The following CALN1 variants were observed in gnomAD, a reference collection of about 807,000 sequenced individuals.
CALN1 encodes calcium-binding protein 8.
A neutral mutation model predicts 30.6 loss-of-function variants in CALN1; 17 were observed. The observed-to-expected ratio is 0.56, with a 90% CI of 0.38 to 0.83. The LOEUF is 0.83. CALN1 is among the 40% of genes least tolerant of loss of function. The probability of loss-of-function intolerance (pLI) is 0.00; values close to 1 mark genes in which losing one functional copy is unlikely to be tolerated. For missense variants in CALN1, 291 were observed against 354.9 expected, an observed-to-expected ratio of 0.82 and a Z score of 1.45; for synonymous variants, 156 against 131.4, an observed-to-expected ratio of 1.19 and a Z score of -1.28.
At chr7:71,987,196 A>T (rs1353729280) in intron 5 of CALN1, among the ~76,000 whole-genome samples, 2 of 152,164 alleles carry the variant, frequency 1.3e-5, no homozygotes, top group Non-Finnish European at 2.9e-5. Context: ...GGACAAAGTG[A>T]CATTTCTCTG....
chr7:72,365,935 G>C (rs1803853342), intron 2 of CALN1, among the ~76,000 whole-genome samples: 3 of 152,110 alleles, frequency 2.0e-5, no homozygotes, highest in Admixed American at 6.5e-5. Flanking sequence ...AAGTATCAAA[G>C]TTTTAAATGC....
At chr7:71,945,674 G>C (rs1796368614) in intron 5 of CALN1, among the ~76,000 whole-genome samples, 1 of 152,192 alleles carries the variant, frequency 6.6e-6, no homozygotes, top group Admixed American at 6.5e-5. Flanking sequence ...AATGCCTGAT[G>C]ATCTGTCACT....
intron 5 of CALN1, among the ~76,000 whole-genome samples, chr7:71,963,396 C>T (rs1195852449): frequency 2.6e-5 from 4 of 152,070 alleles, no homozygotes; most frequent in Non-Finnish European, 5.9e-5. Context: ...CTCCTTACCT[C>T]GTGATCCACC....
chr7:72,276,769 A>G (rs1432125122), intron 3 of CALN1, among the ~76,000 whole-genome samples: 1 of 152,108 alleles, frequency 6.6e-6, no homozygotes, highest in East Asian at 1.9e-4. Context: ...AGTGCTATGC[A>G]CTTGGACTTC....
chr7:72,248,589 A>C (rs1396630897), intron 3 of CALN1, among the ~76,000 whole-genome samples: 1 of 152,022 alleles, frequency 6.6e-6, no homozygotes, highest in Non-Finnish European at 1.5e-5. Flanking sequence ...CCTCCCTCTT[A>C]TAAGGACACT....
At chr7:72,050,529 A>C (rs1272274131) in intron 4 of CALN1, among the ~76,000 whole-genome samples, 1 of 152,210 alleles carries the variant, frequency 6.6e-6, no homozygotes. Context: ...TATTAATAGT[A>C]AACATTGAAG....
intron 5 of CALN1, among the ~76,000 whole-genome samples, chr7:71,857,370 T>G (rs1265183625): frequency 1.3e-5 from 2 of 152,142 alleles, no homozygotes; most frequent in Admixed American, 6.5e-5. Flanking sequence ...ATATAGGGAA[T>G]GTGTCAGACC....
intron 2 of CALN1, among the ~76,000 whole-genome samples, chr7:72,306,009 A>G (rs1479587152): frequency 1.3e-5 from 2 of 152,128 alleles, no homozygotes; most frequent in Admixed American, 1.3e-4. Context: ...CCTGAAGACT[A>G]AAGTTACCTT....
At chr7:71,955,660 A>C (rs1008646959) in intron 5 of CALN1, among the ~76,000 whole-genome samples, 1 of 152,026 alleles carries the variant, frequency 6.6e-6, no homozygotes, top group Non-Finnish European at 1.5e-5. Context: ...ACTGATCAAC[A>C]TAGAGGTAAT....
At chr7:72,242,798 G>A (rs528339495) in intron 3 of CALN1, among the ~76,000 whole-genome samples, 1 of 152,304 alleles carries the variant, frequency 6.6e-6, no homozygotes, top group East Asian at 1.9e-4. Context: ...TGAGGCAGGA[G>A]AATTGCTTCA....
chr7:72,057,713 C>T (rs1049801435), intron 4 of CALN1, among the ~76,000 whole-genome samples: 8 of 141,566 alleles, frequency 5.7e-5, no homozygotes, highest in African/African-American at 1.6e-4. Context: ...GTGTAGAAGA[C>T]TTATTGGGAA....
chr7:72,146,498 C>T (rs1168837365), intron 3 of CALN1, among the ~76,000 whole-genome samples: 1 of 151,996 alleles, frequency 6.6e-6, no homozygotes, highest in Admixed American at 6.5e-5. Flanking sequence ...ACATTCCATG[C>T]TCATGGATAG....
intron 3 of CALN1, among the ~76,000 whole-genome samples, chr7:72,145,109 A>G (rs1585033647): frequency 6.6e-6 from 1 of 152,332 alleles, no homozygotes; most frequent in South Asian, 2.1e-4. Context: ...GAAGGCAAGA[A>G]ATAACTAAGA....
intron 1 of CALN1, among the ~76,000 whole-genome samples, chr7:72,409,069 T>C (rs952738643): frequency 2.0e-4 from 30 of 151,742 alleles, no homozygotes; most frequent in African/African-American, 3.6e-4. Context: ...TATCTCAGCT[T>C]ACTGCAACTT....
intron 3 of CALN1, among the ~76,000 whole-genome samples, chr7:72,112,256 T>C (rs951776871): frequency 2.6e-5 from 4 of 152,224 alleles, no homozygotes; most frequent in Non-Finnish European, 4.4e-5. Context: ...GCTGATGTTC[T>C]AGCTTTGAAG....
intron 2 of CALN1, among the ~76,000 whole-genome samples, chr7:72,352,901 C>T (rs2129559386): frequency 6.6e-6 from 1 of 151,950 alleles, no homozygotes; most frequent in South Asian, 2.1e-4. Flanking sequence ...GTACCAAGAT[C>T]AGGAATCAGT....
intron 5 of CALN1, among the ~76,000 whole-genome samples, chr7:71,879,425 G>A (rs1032576007): frequency 6.6e-6 from 1 of 152,114 alleles, no homozygotes; most frequent in African/African-American, 2.4e-5. Flanking sequence ...TTTAAAGGAG[G>A]GGAGATAAAC....
At chr7:72,444,697 C>A (rs889334637) in intron 1 of CALN1, among the ~76,000 whole-genome samples, 1 of 152,162 alleles carries the variant, frequency 6.6e-6, no homozygotes, top group Admixed American at 6.5e-5. Context: ...TAACTCAAGG[C>A]AGCTGCAATT....
intron 2 of CALN1, among the ~76,000 whole-genome samples, chr7:72,323,169 CAG>C (rs1801014832): frequency 6.6e-6 from 1 of 151,870 alleles, no homozygotes; most frequent in Non-Finnish European, 1.5e-5. Flanking sequence ...AGAGAGGACT[CAG>C]AGTGTGCTGT....
Sources: gnomAD v4.1 joint callset for allele counts (sites outside exome capture counted in the v4.1 genomes callset) on GRCh38, gnomAD v4.1.1 for gene constraint, MANE v1.5 for transcripts, NCBI Gene and HGNC (gene_info 2026-07-23, HGNC 2026-07-21) for gene names.